PKD1: variants seen among roughly 807,000 people sequenced by gnomAD.
PKD1 encodes polycystin-1.
Under a neutral mutation model 361.7 loss-of-function variants are expected in PKD1, and 81 were observed. That is an observed-to-expected ratio of 0.22 (90% CI 0.19 to 0.27). PKD1 has a LOEUF of 0.27. PKD1 is among the 10% of genes least tolerant of loss of function. The pLI is 1.00. For missense variants in PKD1, 6,399 were observed against 6,118.3 expected, an observed-to-expected ratio of 1.05 and a Z score of -1.53; for synonymous variants, 3,615 against 2,818.3, an observed-to-expected ratio of 1.28 and a Z score of -8.95.
chr16:2,091,498 G>A lies in PKD1; in HGVS notation c.11637C>T (p.Ala3879=), dbSNP rs1218180346. Residue 3879 remains alanine (A), a synonymous_variant, in exon 42 of 46, where the codon GCC becomes GCT. Transcript: ENST00000262304. ...AGGGGCGGACGCTGAGGGCGGCCAG[G>A]GCGCGGCCGGCCGCCGGGAACTCGA... is the stretch of plus-strand genomic sequence containing the variant. ...LRLEFPAAGR[A]LAALSVRPFA... is the part of the protein sequence containing the mutation. The A allele has an allele frequency of 7.0e-6, 10 of 1,419,790 alleles. No homozygotes were observed. The East Asian group carries it at 9.2e-5, about 13-fold the overall frequency. 87.9% of individuals were successfully genotyped at this position (1,419,790 alleles called of 1,614,324 possible). A position where few individuals can be genotyped will look rare whatever the true frequency, so the allele number is the denominator to read the frequency against.
chr16:2,130,649 C>T (rs1200867080), intron 1 of PKD1, among the ~76,000 whole-genome samples: 1 of 152,234 alleles, frequency 6.6e-6, no homozygotes, highest in Non-Finnish European at 1.5e-5. Flanking sequence ...CCCAAGGAAG[C>T]TGTGTCTCTG....
At position 2,100,727 on chromosome 16, in the gene PKD1, C is replaced by T; in HGVS notation, c.9398-161G>A. 1 of 622,206 alleles carries T rather than the reference C, an allele frequency of 1.6e-6. No individual in the cohort carries two copies. The highest frequency in any genetic ancestry group is 2.7e-5 in the East Asian group (1 of 36,752). 38.5% of individuals were successfully genotyped at this position (622,206 alleles called of 1,614,324 possible). ...CATACACAAGGAGCTGCGGTTACTG[C>T]AATTTGTCCAATTAACAGCAGGACC... On this transcript the variant is annotated intron_variant, in intron 26 of 45. Coordinates refer to ENST00000262304, the MANE Select transcript of PKD1 (RefSeq NM_001009944.3). This position sits in a 1 kb window ranked among gnomAD's most constrained non-coding sequence, Gnocchi z 4.4.
chr16:2,125,109 C>T (rs973120142), intron 1 of PKD1, among the ~76,000 whole-genome samples: 11 of 152,262 alleles, frequency 7.2e-5, no homozygotes, highest in African/African-American at 2.4e-4. Flanking sequence ...TTTCCCTCTG[C>T]GCTGTGCTCC....
At position 2,090,506 on chromosome 16, in the gene PKD1, A is replaced by C; in HGVS notation, c.12223T>G (p.Cys4075Gly). Residue 4075 changes from cysteine to glycine, a missense_variant, in exon 45 of 46, where the codon TGT (cysteine) becomes GGT (glycine). By Grantham distance (159) the Cys-to-Gly change is radical (BLOSUM62 -3). Coordinates refer to ENST00000262304, the MANE Select transcript of PKD1 (RefSeq NM_001009944.3). ...LCPGTGLSTL[C>G]PAESWHLSPL... ...GACAGGTGCCAGGACTCGGCAGGACACAGGGTAGAGAGCCCAGTCCCAGGG... is the reference window on the plus strand; with the variant it reads ...GACAGGTGCCAGGACTCGGCAGGACCCAGGGTAGAGAGCCCAGTCCCAGGG... 6.2e-7 allele frequency: 1 copy of C among 1,611,498 alleles called. No homozygotes were observed. Among genetic ancestry groups the C allele is most frequent in the South Asian group, 1.1e-5 (1 of 90,998 alleles).
Position 2,114,685 on chromosome 16 carries a change from C to T in PKD1, c.2338G>A (p.Val780Met), listed in dbSNP as rs780727251. The change falls in exon 11 of 46, where the codon GTG (valine) becomes ATG (methionine). Residue 780 changes from valine to methionine, a missense_variant. Transcript: ENST00000262304. The stretch of plus-strand genomic sequence containing the variant: ...GGGTTGGGCCTCAAGCCCAGCAGCA[C>T]GGTGAGCTGTTCCGTGGCTGCAAGC... Reference protein sequence around the residue: ...RLLAATEQLTVLLGLRPNPGL... With the variant: ...RLLAATEQLTMLLGLRPNPGL... 5.8e-6 allele frequency: 9 copies of T among 1,540,120 alleles called. No individual in the cohort carries two copies. Among genetic ancestry groups the T allele is most frequent in the Middle Eastern group, 2.3e-4 (1 of 4,360 alleles).
At position 2,110,351 on chromosome 16, in the gene PKD1, T is replaced by C; in HGVS notation, c.4816A>G (p.Thr1606Ala). The C allele has an allele frequency of 6.2e-7, 1 of 1,612,626 alleles. No individual in the cohort carries two copies. The highest frequency in any genetic ancestry group is 1.3e-5 in the African/African-American group (1 of 75,054). ...TISYTFRSVG[T>A]FNIIVTAENE... The stretch of plus-strand genomic sequence containing the variant: ...TCAGCCGTGACGATGATATTGAAGG[T>C]GCCCACGGAGCGGAAGGTGTAAGAG... Residue 1606 changes from threonine to alanine, a missense_variant, in exon 15 of 46, where the codon ACC becomes GCC. Transcript: ENST00000262304.
At chr16:2,121,380 AT>A (rs1386670031) in intron 1 of PKD1, among the ~76,000 whole-genome samples, 1 of 151,962 alleles carries the variant, frequency 6.6e-6, no homozygotes, top group East Asian at 1.9e-4. Flanking sequence ...AAAAATAAAA[AT>A]AAAAAAAAAA....
In PKD1 at chr16:2,111,712, G is replaced by A. The variant is rs1364815759; in HGVS notation, c.3455C>T (p.Pro1152Leu). 5.0e-6 allele frequency: 8 copies of A among 1,589,184 alleles called. No individual in the cohort carries two copies. Among genetic ancestry groups the A allele is most frequent in the East Asian group, 4.6e-5 (2 of 43,866 alleles). ...RPVTFYPHPLPSPGGVLYTWD... is the reference protein window; with the variant it reads ...RPVTFYPHPLLSPGGVLYTWD... ...CGTGTAAAGAACACCCCCAGGCGAG[G>A]GCAGCGGGTGCGGGTAGAAGGTGAC... The change falls in exon 15 of 46, where the codon CCC (proline) becomes CTC (leucine). Residue 1152 changes from proline (P) to leucine (L), a missense_variant. Coordinates refer to ENST00000262304, the MANE Select transcript of PKD1 (RefSeq NM_001009944.3).
rs1432925209 is a variant in PKD1 at position 2,108,733 on chromosome 16, G to A, written c.6434C>T (p.Ala2145Val). ...AQATVTVQVL[A>V]CREPEVDVVL... ...CACGTCCACCTCCGGCTCCCGGCAG[G>A]CCAGCACCTGGACGGTCACCGTGGC... Residue 2145 changes from alanine (A) to valine (V), a missense_variant, in exon 15 of 46, where the codon GCC becomes GTC. Coordinates refer to ENST00000262304, the MANE Select transcript of PKD1 (RefSeq NM_001009944.3). 1.7e-5 allele frequency: 26 copies of A among 1,572,468 alleles called. No individual in the cohort carries two copies. The highest frequency in any genetic ancestry group is 2.2e-5 in the Non-Finnish European group (26 of 1,160,178).
rs554861955 is a variant in PKD1, at chr16:2,120,869, T to C, written c.216-1491A>G. 9.2e-5 allele frequency among the ~76,000 whole-genome samples: 14 copies of C among 151,918 alleles called. No individual in the cohort carries two copies. In the East Asian group the frequency reaches 2.1e-3, roughly 23 times the overall value. On this transcript the variant is annotated intron_variant, in intron 1 of 45. Transcript: ENST00000262304. ...CTGTCTCTACTAAAAATGCAAAAAT[T>C]AGCCGGGCATGGCGGCGGGAGCCTG...
chr16:2,101,163 CTTT>C (rs1409323409), intron 26 of PKD1, among the ~76,000 whole-genome samples: 1 of 151,944 alleles, frequency 6.6e-6, no homozygotes, highest in East Asian at 1.9e-4. Context: ...TTTTTTTGTA[CTTT>C]TTATTAGAGA....
chr16:2,096,524 T>C (rs1419430896), intron 34 of PKD1, among the ~76,000 whole-genome samples: 3 of 152,232 alleles, frequency 2.0e-5, no homozygotes, highest in Admixed American at 1.3e-4. Flanking sequence ...GAGGAATTTT[T>C]TTGTTTTTGA....
Position 2,103,829 on chromosome 16 carries a change from G to A in PKD1, c.8228C>T (p.Ser2743Leu), listed in dbSNP as rs570390360. The A allele has an allele frequency of 1.9e-5, 30 of 1,608,122 alleles. No individual in the cohort carries two copies. Among genetic ancestry groups the A allele is most frequent in the Non-Finnish European group, 2.4e-5 (28 of 1,178,982 alleles). ...CTGGGACGCCACCATCCGAGATGGTGACTCGGCTCCCAGCTCTGAGGGCTG... is the reference window on the plus strand; with the variant it reads ...CTGGGACGCCACCATCCGAGATGGTAACTCGGCTCCCAGCTCTGAGGGCTG... ...APQPSELGAE[S>L]PSRMVASQAY... Residue 2743 changes from serine (S) to leucine (L), a missense_variant, in exon 23 of 46, where the codon TCA (serine) becomes TTA (leucine). By Grantham distance (145) the Ser-to-Leu change is moderately radical (BLOSUM62 -2). Coordinates refer to ENST00000262304, the MANE Select transcript of PKD1 (RefSeq NM_001009944.3).
chr16:2,104,174 CA>C (rs1324794430), intron 22 of PKD1, among the ~76,000 whole-genome samples: 2 of 14,652 alleles, frequency 1.4e-4, no homozygotes, highest in East Asian at 9.2e-4. Context: ...AGAAGAGGAG[CA>C]GGGGGAAAGG....
chr16:2,120,971 C>G (rs1230087367), intron 1 of PKD1, among the ~76,000 whole-genome samples: 2 of 149,718 alleles, frequency 1.3e-5, no homozygotes, highest in East Asian at 3.9e-4. Flanking sequence ...GAGCCAAGAT[C>G]ACGCCACTGC....
At chr16:2,098,713 C>A (rs4018129) in intron 30 of PKD1, 3,424 of 138,690 alleles carry the variant, frequency 0.025, 82 homozygotes, top group African/African-American at 0.073. Context: ...GAATGGGAAG[C>A]GTTCCCACCT....
chr16:2,119,963 A>T, intron 1 of PKD1: 1 of 605,366 alleles, frequency 1.7e-6, no homozygotes, highest in Non-Finnish European at 2.9e-6. Context: ...CCGGTAACAC[A>T]GCACCGTGGG....
rs753075656 is a variant in PKD1 at position 2,106,474 on chromosome 16, C to A, written c.7413G>T (p.Pro2471=). The change falls in exon 18 of 46, where the codon CCG becomes CCT. Residue 2471 remains proline (P), a synonymous_variant. Coordinates refer to ENST00000262304, the MANE Select transcript of PKD1 (RefSeq NM_001009944.3). This position sits in a 1 kb window ranked among gnomAD's most constrained non-coding sequence, Gnocchi z 6.5. ...ASIRLSPNRP[P]LGGSCRLFPL... ...GGAAGAGGCGGCAAGAGCCCCCCAG[C>A]GGCGGGCGGTTGGGGGACAGGCGGA... is the stretch of plus-strand genomic sequence containing the variant. 6.3e-7 allele frequency: 1 copy of A among 1,589,624 alleles called. No homozygotes were observed.
chr16:2,130,334 C>T (rs1449774984), intron 1 of PKD1, among the ~76,000 whole-genome samples: 2 of 152,186 alleles, frequency 1.3e-5, no homozygotes, highest in African/African-American at 2.4e-5. Flanking sequence ...CCCCTGCCCC[C>T]GAGTCACCTT....
Sources: gnomAD v4.1 joint callset for allele counts (sites outside exome capture counted in the v4.1 genomes callset) on GRCh38, gnomAD v4.1.1 for gene constraint, Gnocchi (gnomAD v3.1) non-coding constraint, MANE v1.5 for transcripts, NCBI Gene and HGNC (gene_info 2026-07-23, HGNC 2026-07-21) for gene names.